The following RBFOX3 variants were observed in gnomAD, a reference collection of about 807,000 sequenced individuals.
RBFOX3 encodes the protein RNA binding protein fox-1 homolog 3.
In RBFOX3, 17 loss-of-function variants were observed where a neutral mutation model predicts 48.7. That is an observed-to-expected ratio of 0.35 (90% CI 0.24 to 0.52). RBFOX3 has a LOEUF of 0.52. Among genes scored for constraint, RBFOX3 ranks in the 20% least tolerant of loss-of-function variants. RBFOX3 has a pLI of 0.94. For synonymous variants in RBFOX3, 212 were observed against 209.5 expected, an observed-to-expected ratio of 1.01 and a Z score of -0.10; for missense variants, 382 against 497.5, an observed-to-expected ratio of 0.77 and a Z score of 2.21.
chr17:79,228,716 C>T (rs1195434952), intron 4 of RBFOX3, among the ~76,000 whole-genome samples: 4 of 152,232 alleles, frequency 2.6e-5, no homozygotes, highest in East Asian at 3.9e-4. Flanking sequence ...CAGAAATAGC[C>T]GTGAGTTTGG....
intron 4 of RBFOX3, among the ~76,000 whole-genome samples, chr17:79,173,831 G>C (rs1286960896): frequency 6.0e-5 from 9 of 150,974 alleles, no homozygotes; most frequent in African/African-American, 2.2e-4. Context: ...TATCGGAATG[G>C]ACTCTCCATG....
chr17:79,424,490 C>T (rs782450487), intron 2 of RBFOX3, among the ~76,000 whole-genome samples: 5 of 152,182 alleles, frequency 3.3e-5, no homozygotes, highest in Non-Finnish European at 5.9e-5. Context: ...TGGGCCCTGC[C>T]ACCTGCCAGC....
intron 4 of RBFOX3, among the ~76,000 whole-genome samples, chr17:79,169,832 C>T (rs945699883): frequency 5.3e-5 from 8 of 152,094 alleles, no homozygotes; most frequent in Non-Finnish European, 8.8e-5. Context: ...TACTGAAAAC[C>T]ACGGAACCGT....
In RBFOX3 at chr17:79,296,873, T is replaced by A. The variant is rs143846831; in HGVS notation, c.-74+10851A>T. On this transcript the variant is annotated intron_variant, in intron 3 of 14. Transcript: ENST00000693108. Reference sequence around the variant, plus strand: ...CTCCTCCTGCTTCTCCTCCCTTTCCTTCTCCTCCTCTCCCTCTTCTCCTCT... The same window carrying A: ...CTCCTCCTGCTTCTCCTCCCTTTCCATCTCCTCCTCTCCCTCTTCTCCTCT... Among the ~76,000 whole-genome samples the A allele has an allele frequency of 1.5e-3, 159 of 104,278 alleles. 1 individual carries two copies. The highest frequency in any genetic ancestry group is 5.7e-3 in the African/African-American group (150 of 26,290). The allele number at this position is 104,278 out of a possible 152,430, so 68.4% of individuals were successfully genotyped here.
At chr17:79,306,679 C>G (rs918466691) in intron 3 of RBFOX3, among the ~76,000 whole-genome samples, 1 of 152,214 alleles carries the variant, frequency 6.6e-6, no homozygotes, top group African/African-American at 2.4e-5. Flanking sequence ...AAGGAAGGTG[C>G]CAGAAGGTCC....
chr17:79,401,936 T>C (rs973429388), intron 2 of RBFOX3, among the ~76,000 whole-genome samples: 10 of 152,242 alleles, frequency 6.6e-5, no homozygotes, highest in Admixed American at 3.9e-4. Flanking sequence ...GTTGTGGTCA[T>C]CCGTTCTGGT....
chr17:79,626,353 C>T, the RBFOX3 span, among the ~76,000 whole-genome samples: 1 of 152,188 alleles, frequency 6.6e-6, no homozygotes, highest in Non-Finnish European at 1.5e-5. Flanking sequence ...GGGGGAAAGC[C>T]TTCCTTCCCA....
chr17:79,240,189 T>A (rs941156953), intron 3 of RBFOX3, among the ~76,000 whole-genome samples: 1 of 152,220 alleles, frequency 6.6e-6, no homozygotes. Flanking sequence ...ATTTCATTCT[T>A]CAGAAATTAA....
At chr17:79,295,243 G>A (rs1173698358) in intron 3 of RBFOX3, among the ~76,000 whole-genome samples, 1 of 152,168 alleles carries the variant, frequency 6.6e-6, no homozygotes, top group Non-Finnish European at 1.5e-5. Flanking sequence ...AATCCACAGC[G>A]CTAGAAATGC....
intron 1 of RBFOX3, among the ~76,000 whole-genome samples, chr17:79,552,703 A>C (rs1416212336): frequency 6.6e-6 from 1 of 152,216 alleles, no homozygotes; most frequent in Non-Finnish European, 1.5e-5. Context: ...GGTGTAAAAA[A>C]TGTTCTTCAG....
intron 1 of RBFOX3, among the ~76,000 whole-genome samples, chr17:79,494,227 G>A (rs2081114155): frequency 6.6e-6 from 1 of 152,204 alleles, no homozygotes. Context: ...AACTGGGCTA[G>A]GTGGTGGGAA....
rs574864118 is a variant in RBFOX3 at position 79,407,499 on chromosome 17, G to A, written c.-175+74955C>T. ...TTCCGCATCTTCATTGAAGTGCTGT[G>A]AGCTTGTCCTGCCTTCTTTCAAGGT... On this transcript the variant is annotated intron_variant, in intron 2 of 14. Coordinates refer to ENST00000693108, the MANE Select transcript of RBFOX3 (RefSeq NM_001350451.2). Among the ~76,000 whole-genome samples the A allele has an allele frequency of 7.9e-5, 12 of 152,366 alleles. No individual in the cohort carries two copies. In the East Asian group the frequency reaches 2.3e-3, roughly 29 times the overall value.
At chr17:79,575,618 T>C (rs2092832920) in intron 1 of RBFOX3, among the ~76,000 whole-genome samples, 1 of 152,170 alleles carries the variant, frequency 6.6e-6, no homozygotes. Context: ...GTCGTTTAAG[T>C]CCCTGTCACT....
intron 1 of RBFOX3, among the ~76,000 whole-genome samples, chr17:79,507,187 G>A (rs1230841577): frequency 2.6e-5 from 4 of 152,096 alleles, no homozygotes; most frequent in African/African-American, 7.2e-5. Flanking sequence ...GCTCCATCCC[G>A]CCTGCTTCTT....
chr17:79,633,730 G>A, the RBFOX3 span, among the ~76,000 whole-genome samples: 1 of 152,138 alleles, frequency 6.6e-6, no homozygotes, highest in Non-Finnish European at 1.5e-5. Flanking sequence ...TCCATCGTGA[G>A]GCATCGGAGG....
chr17:79,633,776 A>G, the RBFOX3 span, among the ~76,000 whole-genome samples: 1 of 152,166 alleles, frequency 6.6e-6, no homozygotes, highest in African/African-American at 2.4e-5. Flanking sequence ...TCCTTCTCTC[A>G]TCCTTCCAAC....
At position 79,103,440 on chromosome 17, in the gene RBFOX3, C is replaced by A. The variant is rs892008646; in HGVS notation, c.415-186G>T. On this transcript the variant is annotated intron_variant, in intron 7 of 14. Coordinates refer to ENST00000693108, the MANE Select transcript of RBFOX3 (RefSeq NM_001350451.2). The surrounding 1 kb of genome is among the most constrained non-coding windows in gnomAD (Gnocchi z 6.1). ...CAGAGGTCTGTCCTAGGGCCACCGG[C>A]AGGATGCCAGGAGGGGTATGGGCCC... 6.6e-6 allele frequency among the ~76,000 whole-genome samples: 1 copy of A among 152,058 alleles called. No individual in the cohort carries two copies. Among genetic ancestry groups the A allele is most frequent in the Non-Finnish European group, 1.5e-5 (1 of 67,978 alleles).
intron 1 of RBFOX3, chr17:79,601,877 T>C (rs889228796): frequency 2.0e-5 from 3 of 152,230 alleles, no homozygotes; most frequent in Non-Finnish European, 4.4e-5. Flanking sequence ...ACACTCATCT[T>C]GCATGCTGCA....
chr17:79,551,909 C>T (rs1485321769), intron 1 of RBFOX3, among the ~76,000 whole-genome samples: 5 of 152,104 alleles, frequency 3.3e-5, no homozygotes, highest in South Asian at 2.1e-4. Context: ...TACTCAGCCT[C>T]GAGTATTCCT....
Sources: allele counts gnomAD v4.1 joint callset (sites outside exome capture counted in the v4.1 genomes callset), GRCh38; gene constraint gnomAD v4.1.1; non-coding constraint Gnocchi (gnomAD v3.1); transcripts MANE v1.5; gene names NCBI Gene and HGNC (gene_info 2026-07-23, HGNC 2026-07-21).